The following LRBA variants were observed in gnomAD, a reference collection of about 807,000 sequenced individuals.
LRBA encodes LPS responsive beige-like anchor protein, also known as lipopolysaccharide-responsive and beige-like anchor protein.
A neutral mutation model predicts 330.0 loss-of-function variants in LRBA; 176 were observed. The observed-to-expected ratio is 0.53, with a 90% CI of 0.47 to 0.60. The LOEUF (loss-of-function observed/expected upper bound fraction) is 0.60. Among genes scored for constraint, LRBA ranks in the 20% least tolerant of loss-of-function variants. The pLI, the probability that LRBA is intolerant of heterozygous loss-of-function variation, is 0.00. For missense variants in LRBA, 3,259 were observed against 3,444.8 expected, an observed-to-expected ratio of 0.95 and a Z score of 1.35; for synonymous variants, 1,230 against 1,193.0, an observed-to-expected ratio of 1.03 and a Z score of -0.64.
At chr4:150,765,084 C>T (rs1007618305) in intron 34 of LRBA, among the ~76,000 whole-genome samples, 1 of 138,956 alleles carries the variant, frequency 7.2e-6, no homozygotes, top group African/African-American at 2.8e-5. Flanking sequence ...TTATTCAGCG[C>T]TAAAAAAAAA....
intron 40 of LRBA, among the ~76,000 whole-genome samples, chr4:150,540,009 G>A (rs1246524815): frequency 2.0e-5 from 3 of 152,014 alleles, no homozygotes; most frequent in Non-Finnish European, 4.4e-5. Flanking sequence ...ATGTATTTAT[G>A]TCATTTGAAG....
At chr4:150,283,530 C>T (rs1747809806) in intron 54 of LRBA, among the ~76,000 whole-genome samples, 2 of 152,182 alleles carry the variant, frequency 1.3e-5, no homozygotes, top group Non-Finnish European at 2.9e-5. Context: ...TTACTCATGG[C>T]CACATGGAAT....
At chr4:150,365,501 G>A (rs1313415279) in intron 47 of LRBA, among the ~76,000 whole-genome samples, 1 of 152,076 alleles carries the variant, frequency 6.6e-6, no homozygotes, top group African/African-American at 2.4e-5. Flanking sequence ...TTATGAAAAT[G>A]TGATTTTAGG....
At chr4:150,644,182 G>C (rs1283790568) in intron 37 of LRBA, among the ~76,000 whole-genome samples, 1 of 151,862 alleles carries the variant, frequency 6.6e-6, no homozygotes, top group African/African-American at 2.4e-5. Flanking sequence ...AAGCATTTTT[G>C]TTTAGTATGC....
At chr4:150,662,527 A>C (rs1192441972) in intron 37 of LRBA, among the ~76,000 whole-genome samples, 1 of 152,224 alleles carries the variant, frequency 6.6e-6, no homozygotes, top group Admixed American at 6.5e-5. Context: ...CCTACATTCC[A>C]ATATGTAGAC....
At chr4:150,592,699 A>G (rs1195998348) in intron 38 of LRBA, among the ~76,000 whole-genome samples, 3 of 152,216 alleles carry the variant, frequency 2.0e-5, no homozygotes, top group South Asian at 2.1e-4. Flanking sequence ...CAAAGGCACA[A>G]TAACAGCTTA....
At chr4:150,332,717 T>TA (rs34085362) in intron 48 of LRBA, among the ~76,000 whole-genome samples, 73,473 of 151,934 alleles carry the variant, frequency 0.48, 17,846 homozygotes, top group African/African-American at 0.5. Flanking sequence ...ATTATTTCTG[T>TA]AAATAGCCTG....
chr4:150,300,298 AG>A (rs1729499504), intron 53 of LRBA, among the ~76,000 whole-genome samples: 1 of 152,060 alleles, frequency 6.6e-6, no homozygotes, highest in Non-Finnish European at 1.5e-5. Flanking sequence ...AATTCAGTCA[AG>A]ATACATTACA....
At chr4:150,410,393 T>G (rs979248076) in intron 47 of LRBA, among the ~76,000 whole-genome samples, 2 of 152,208 alleles carry the variant, frequency 1.3e-5, no homozygotes, top group African/African-American at 4.8e-5. Context: ...GCATCTCTTT[T>G]AACTTGTCCA....
Position 150,844,711 on chromosome 4 carries a change from T to C in LRBA, c.4408A>G (p.Lys1470Glu), listed in dbSNP as rs1342875285. The C allele has an allele frequency of 3.1e-6, 5 of 1,613,324 alleles. No homozygotes were observed. The highest frequency in any genetic ancestry group is 1.7e-5 in the Admixed American group (1 of 60,008). ...AGGCTATGCATTGGTTTCAAGGCTT[T>C]ATCTCCCCTAGTTTTCAGTTGTGAA... ...QHSQLKTRGD[K>E]ALKPMHSLIP... is the part of the protein sequence containing the mutation. The change falls in exon 27 of 57, where the codon AAA becomes GAA. Residue 1470 changes from lysine (K) to glutamate (E), a missense_variant. By Grantham distance (56) the Lys-to-Glu change is moderately conservative (BLOSUM62 1). Transcript: ENST00000651943.
chr4:150,909,108 T>C lies in LRBA; in HGVS notation c.1162-251A>G, dbSNP rs932866751. On this transcript the variant is annotated intron_variant, in intron 9 of 56. Coordinates refer to ENST00000651943, the MANE Select transcript of LRBA (RefSeq NM_001364905.1). ...AGATCATATTTTATCTTTTTTCGTATATTCTTTTTTTAAAATTGTGATCAA... is the reference window on the plus strand; with the variant it reads ...AGATCATATTTTATCTTTTTTCGTACATTCTTTTTTTAAAATTGTGATCAA... Among the ~76,000 whole-genome samples the C allele has an allele frequency of 2.0e-5, 3 of 152,308 alleles. No homozygotes were observed. The East Asian group carries it at 5.8e-4, about 29-fold the overall frequency.
chr4:150,929,825 ATTT>A lies in LRBA; in HGVS notation c.217-763_217-761del, dbSNP rs1009345574. Among the ~76,000 whole-genome samples the A allele has an allele frequency of 8.5e-5, 13 of 152,106 alleles. No individual in the cohort carries two copies. The Middle Eastern group carries it at 0.017, about 199-fold the overall frequency. On this transcript the variant is annotated intron_variant, in intron 2 of 56. Coordinates refer to ENST00000651943, the MANE Select transcript of LRBA (RefSeq NM_001364905.1). The stretch of plus-strand genomic sequence containing the variant: ...TTTAAATAAATTTTTTTAAATTTAA[ATTT>A]TTTTAATTTAAAAATACATATATTT...
intron 46 of LRBA, among the ~76,000 whole-genome samples, chr4:150,418,478 T>A (rs1022454546): frequency 2.0e-5 from 3 of 152,166 alleles, no homozygotes; most frequent in Non-Finnish European, 4.4e-5. Flanking sequence ...TTCAGCTACA[T>A]AATATCTATC....
chr4:150,393,086 T>C (rs1486753639), intron 47 of LRBA, among the ~76,000 whole-genome samples: 1 of 152,166 alleles, frequency 6.6e-6, no homozygotes, highest in Non-Finnish European at 1.5e-5. Flanking sequence ...CCAGCTCAAC[T>C]GTCTCTTAAG....
In LRBA at chr4:150,583,878, G is replaced by A. The variant is rs1449350849; in HGVS notation, c.6330+4170C>T. 1 of 1,613,760 alleles carries A rather than the reference G, an allele frequency of 6.2e-7. No homozygotes were observed. Among genetic ancestry groups the A allele is most frequent in the Non-Finnish European group, 8.5e-7 (1 of 1,179,824 alleles). On this transcript the variant is annotated intron_variant, in intron 40 of 56. Coordinates refer to ENST00000651943, the MANE Select transcript of LRBA (RefSeq NM_001364905.1). The surrounding 1 kb of genome is among the most constrained non-coding windows in gnomAD (Gnocchi z 9.8). ...AGACGCTGCTGCTGTACGAGTGCGA[G>A]AAACACCCACGAGAAACGGACTGGG... is the stretch of plus-strand genomic sequence containing the variant.
intron 47 of LRBA, among the ~76,000 whole-genome samples, chr4:150,373,172 T>TGTGTGTGTGTGTGA (rs1283762385): frequency 1.0e-5 from 1 of 97,504 alleles, no homozygotes; most frequent in African/African-American, 4.4e-5. Flanking sequence ...TGTGTGTGTG[T>TGTGTGTGTGTGTGA]GAGAGAGAGA....
intron 2 of LRBA, among the ~76,000 whole-genome samples, chr4:150,942,238 C>G (rs1184242201): frequency 6.6e-6 from 1 of 152,180 alleles, no homozygotes; most frequent in African/African-American, 2.4e-5. Context: ...TTTCAGCTCA[C>G]TCTGGTTTTC....
At chr4:150,504,041 AAAAAAGAAT>A (rs1479586842) in intron 40 of LRBA, among the ~76,000 whole-genome samples, 1 of 152,210 alleles carries the variant, frequency 6.6e-6, no homozygotes, top group East Asian at 1.9e-4. Flanking sequence ...AAGTTTAGAG[AAAAAAGAAT>A]AAAAAGAAAT....
intron 34 of LRBA, among the ~76,000 whole-genome samples, chr4:150,784,780 G>C (rs1738793275): frequency 6.6e-6 from 1 of 152,078 alleles, no homozygotes; most frequent in Non-Finnish European, 1.5e-5. Flanking sequence ...ACGTGTGTCA[G>C]TGTCATTTTA....
Sources: gnomAD v4.1 joint callset for allele counts (sites outside exome capture counted in the v4.1 genomes callset) on GRCh38, gnomAD v4.1.1 for gene constraint, Gnocchi (gnomAD v3.1) non-coding constraint, MANE v1.5 for transcripts, NCBI Gene and HGNC (gene_info 2026-07-23, HGNC 2026-07-21) for gene names.